The following NREP variants were observed in gnomAD, a reference collection of about 807,000 sequenced individuals.
NREP encodes the protein neuronal regeneration related protein.
A neutral mutation model predicts 8.6 loss-of-function variants in NREP; 5 were observed. The observed-to-expected ratio is 0.58, with a 90% CI of 0.30 to 1.22. NREP has a LOEUF of 1.22. NREP is among the 50% of genes most tolerant of loss of function. NREP has a pLI of 0.07. For missense variants in NREP, 86 were observed against 82.5 expected (o/e 1.04, Z -0.17); for synonymous variants, 27 against 28.0 (o/e 0.96, Z 0.11).
Position 111,757,191 on chromosome 5 carries a change from A to G in NREP, c.-114T>C. The stretch of plus-strand genomic sequence containing the variant: ...TCTCCTCTCTACACCTGAAACACAA[A>G]TGTGGTTGAAAAAGGGCAACATGCT... On this transcript the variant is annotated 5_prime_UTR_variant, in exon 1 of 4. Transcript: ENST00000257435. 3 of 931,802 alleles carry G rather than the reference A, an allele frequency of 3.2e-6. No individual in the cohort carries two copies. The highest frequency in any genetic ancestry group is 5.1e-5 in the South Asian group (1 of 19,532). 57.7% of individuals were successfully genotyped at this position (931,802 alleles called of 1,614,324 possible).
intron 2 of NREP, among the ~76,000 whole-genome samples, chr5:111,946,478 T>C (rs1254392628): frequency 2.0e-5 from 3 of 152,040 alleles, no homozygotes; most frequent in Non-Finnish European, 4.4e-5. Flanking sequence ...TTTCATTTTA[T>C]ATATGATGCA....
chr5:111,775,882 G>T (rs1751344749), intron 2 of NREP, among the ~76,000 whole-genome samples: 1 of 151,854 alleles, frequency 6.6e-6, no homozygotes, highest in African/African-American at 2.4e-5. Context: ...CCTAATAAGG[G>T]GTGAAGGATA....
intron 2 of NREP, among the ~76,000 whole-genome samples, chr5:111,953,494 TC>T (rs1318123545): frequency 6.6e-6 from 1 of 152,140 alleles, no homozygotes; most frequent in African/African-American, 2.4e-5. Context: ...AAAACTTCTT[TC>T]CAACTTTATC....
intron 2 of NREP, among the ~76,000 whole-genome samples, chr5:111,827,863 C>T (rs1039662851): frequency 7.2e-5 from 11 of 151,842 alleles, no homozygotes; most frequent in African/African-American, 2.7e-4. Context: ...AGAAAACAAA[C>T]AAAAAACAAC....
At chr5:111,823,498 A>G (rs902233847) in intron 2 of NREP, among the ~76,000 whole-genome samples, 2 of 152,192 alleles carry the variant, frequency 1.3e-5, no homozygotes, top group African/African-American at 4.8e-5. Flanking sequence ...TTTTTCCCTA[A>G]GAAAAATGTC....
At chr5:111,882,887 G>A (rs1464960431) in intron 2 of NREP, among the ~76,000 whole-genome samples, 1 of 152,256 alleles carries the variant, frequency 6.6e-6, no homozygotes, top group Non-Finnish European at 1.5e-5. Context: ...AAATGGTAAA[G>A]ACCATCGAGG....
chr5:111,821,231 T>G (rs1752507065), intron 2 of NREP, among the ~76,000 whole-genome samples: 1 of 152,214 alleles, frequency 6.6e-6, no homozygotes, highest in Non-Finnish European at 1.5e-5. Flanking sequence ...TCATGCTTTC[T>G]TTGTTATATT....
At chr5:111,748,643 A>G (rs189211043) in intron 2 of NREP, among the ~76,000 whole-genome samples, 1 of 152,306 alleles carries the variant, frequency 6.6e-6, no homozygotes, top group African/African-American at 2.4e-5. Context: ...AGAGAACACC[A>G]AACCACTTTG....
Position 111,741,838 on chromosome 5 carries a change from C to G in NREP, c.4-6331G>C, listed in dbSNP as rs1047866328. Among the ~76,000 whole-genome samples, 76 of 151,776 alleles carry G rather than the reference C, an allele frequency of 5.0e-4. 1 individual carries two copies. Among genetic ancestry groups the G allele is most frequent in the Non-Finnish European group, 5.0e-4 (34 of 67,920 alleles). The stretch of plus-strand genomic sequence containing the variant: ...AAACACACACATACACACACACACA[C>G]ACACACACACACACACACACACACT... On this transcript the variant is annotated intron_variant, in intron 2 of 3. Transcript: ENST00000257435.
chr5:111,894,901 A>G (rs1366735211), intron 2 of NREP, among the ~76,000 whole-genome samples: 1 of 152,214 alleles, frequency 6.6e-6, no homozygotes, highest in Non-Finnish European at 1.5e-5. Context: ...CTGCAACAAT[A>G]ACAATTATAA....
At chr5:111,777,046 G>C (rs906883128) in intron 2 of NREP, among the ~76,000 whole-genome samples, 2 of 151,532 alleles carry the variant, frequency 1.3e-5, no homozygotes, top group Non-Finnish European at 3.0e-5. Context: ...TGGAGGAGGA[G>C]GAGGAGGAAG....
upstream of NREP, among the ~76,000 whole-genome samples, chr5:111,760,201 C>T (rs919548838): frequency 6.6e-6 from 1 of 152,178 alleles, no homozygotes; most frequent in African/African-American, 2.4e-5. Flanking sequence ...CTGGCCTCTA[C>T]CCATCAGATG....
intron 2 of NREP, among the ~76,000 whole-genome samples, chr5:111,967,953 A>G (rs917518365): frequency 6.6e-6 from 1 of 152,222 alleles, no homozygotes; most frequent in Non-Finnish European, 1.5e-5. Context: ...AGAAACTCCT[A>G]TTAGGTTGGT....
intron 2 of NREP, among the ~76,000 whole-genome samples, chr5:111,963,428 C>G (rs1490190124): frequency 1.3e-5 from 2 of 152,152 alleles, no homozygotes; most frequent in Non-Finnish European, 2.9e-5. Context: ...ACCAAGAAAG[C>G]ACAAAAAATA....
At chr5:111,914,393 T>A (rs959664411) in intron 2 of NREP, among the ~76,000 whole-genome samples, 1 of 152,144 alleles carries the variant, frequency 6.6e-6, no homozygotes, top group Non-Finnish European at 1.5e-5. Context: ...AAGCATTAGG[T>A]CATAGCCTGT....
At chr5:111,943,685 C>T (rs1755894485) in intron 2 of NREP, among the ~76,000 whole-genome samples, 2 of 152,080 alleles carry the variant, frequency 1.3e-5, no homozygotes, top group South Asian at 2.1e-4. Flanking sequence ...TGGTAAACAG[C>T]AAAAGCATAG....
intron 2 of NREP, among the ~76,000 whole-genome samples, chr5:111,736,414 T>A (rs1452438405): frequency 6.6e-6 from 1 of 152,192 alleles, no homozygotes; most frequent in African/African-American, 2.4e-5. Flanking sequence ...TAGGTAAGAT[T>A]CCCTCCAGAT....
At chr5:111,742,542 A>T (rs1185362795) in intron 2 of NREP, among the ~76,000 whole-genome samples, 1 of 152,048 alleles carries the variant, frequency 6.6e-6, no homozygotes, top group Non-Finnish European at 1.5e-5. Flanking sequence ...TTAAAATTTC[A>T]TTTCTAAGAA....
At chr5:111,966,245 A>G (rs1218969940) in intron 2 of NREP, among the ~76,000 whole-genome samples, 1 of 152,250 alleles carries the variant, frequency 6.6e-6, no homozygotes, top group African/African-American at 2.4e-5. Flanking sequence ...AGCCATTATC[A>G]AGAGATTCAT....
Sources: allele counts gnomAD v4.1 joint callset (sites outside exome capture counted in the v4.1 genomes callset), GRCh38; gene constraint gnomAD v4.1.1; transcripts MANE v1.5; gene names NCBI Gene and HGNC (gene_info 2026-07-23, HGNC 2026-07-21).